GPC6: variants seen among roughly 807,000 people sequenced by gnomAD.
The protein encoded by GPC6 is glypican 6.
Under a neutral mutation model 55.2 loss-of-function variants are expected in GPC6, and 14 were observed. The observed-to-expected ratio is 0.25, with a 90% CI of 0.17 to 0.40. The LOEUF is 0.40. Among genes scored for constraint, GPC6 ranks in the 10% least tolerant of loss-of-function variants. The probability of loss-of-function intolerance (pLI) is 1.00; values close to 1 mark genes in which losing one functional copy is unlikely to be tolerated. For missense variants in GPC6, 641 were observed against 708.5 expected (o/e 0.90, Z 1.08); for synonymous variants, 278 against 259.6 (o/e 1.07, Z -0.68).
chr13:93,771,318 G>A (rs1451902122), intron 2 of GPC6, among the ~76,000 whole-genome samples: 4 of 152,150 alleles, frequency 2.6e-5, no homozygotes, highest in Non-Finnish European at 5.9e-5. Context: ...CCCACGGCAG[G>A]AAGAACCGGA....
At chr13:94,346,037 A>C (rs1470890703) in intron 6 of GPC6, among the ~76,000 whole-genome samples, 1 of 152,102 alleles carries the variant, frequency 6.6e-6, no homozygotes, top group African/African-American at 2.4e-5. Flanking sequence ...CAGCTGTAGC[A>C]CTTGAGCCTC....
At chr13:93,604,123 CTT>C (rs1431487840) in intron 2 of GPC6, among the ~76,000 whole-genome samples, 1 of 152,182 alleles carries the variant, frequency 6.6e-6, no homozygotes, top group African/African-American at 2.4e-5. Flanking sequence ...CTGTTAATGT[CTT>C]TGGTTTACGT....
chr13:93,762,764 G>A (rs891054607), intron 2 of GPC6, among the ~76,000 whole-genome samples: 1 of 152,132 alleles, frequency 6.6e-6, no homozygotes, highest in Non-Finnish European at 1.5e-5. Flanking sequence ...CTGATGTGCT[G>A]GTATACAGAT....
At chr13:93,868,409 A>G (rs756644039) in intron 3 of GPC6, among the ~76,000 whole-genome samples, 4 of 151,792 alleles carry the variant, frequency 2.6e-5, no homozygotes, top group African/African-American at 9.7e-5. Context: ...AATGATTGTA[A>G]TGATAGATAC....
At chr13:93,416,792 C>A (rs1284208032) in intron 1 of GPC6, among the ~76,000 whole-genome samples, 2 of 152,018 alleles carry the variant, frequency 1.3e-5, no homozygotes, top group Non-Finnish European at 2.9e-5. Context: ...GTGAAGGACA[C>A]AGGGCAACCC....
intron 3 of GPC6, among the ~76,000 whole-genome samples, chr13:93,988,368 A>G (rs936991744): frequency 5.3e-5 from 8 of 152,138 alleles, no homozygotes; most frequent in Admixed American, 5.2e-4. Flanking sequence ...AGCCTTAGTA[A>G]TGAAAAATGG....
intron 3 of GPC6, among the ~76,000 whole-genome samples, chr13:93,990,157 A>G (rs1321944247): frequency 6.6e-6 from 1 of 152,026 alleles, no homozygotes; most frequent in Non-Finnish European, 1.5e-5. Context: ...TTATGCTCAA[A>G]TGAATTCTAG....
chr13:93,771,346 A>G (rs1272572677), intron 2 of GPC6, among the ~76,000 whole-genome samples: 1 of 152,134 alleles, frequency 6.6e-6, no homozygotes, highest in African/African-American at 2.4e-5. Flanking sequence ...CCTCTAAATT[A>G]TACATGACTG....
At chr13:93,467,575 CTTTTTTTTTTT>C (rs11426472) in intron 1 of GPC6, among the ~76,000 whole-genome samples, 8 of 74,022 alleles carry the variant, frequency 1.1e-4, no homozygotes, top group East Asian at 4.4e-4. Flanking sequence ...AGCTGTGATT[CTTTTTTTTTTT>C]TTTTTTTTTT....
At chr13:94,154,925 C>A (rs575888999) in intron 4 of GPC6, among the ~76,000 whole-genome samples, 1 of 152,276 alleles carries the variant, frequency 6.6e-6, no homozygotes, top group East Asian at 1.9e-4. Context: ...AAGTACCCCC[C>A]AAAAGCATTG....
chr13:93,446,760 T>A (rs1269874609), intron 1 of GPC6, among the ~76,000 whole-genome samples: 2 of 152,208 alleles, frequency 1.3e-5, no homozygotes, highest in Non-Finnish European at 2.9e-5. Context: ...TGCTTTTTCT[T>A]TGAAAATATG....
intron 4 of GPC6, among the ~76,000 whole-genome samples, chr13:94,188,552 G>C (rs1889278097): frequency 6.6e-6 from 1 of 152,224 alleles, no homozygotes; most frequent in Admixed American, 6.5e-5. Flanking sequence ...AATCATTTCA[G>C]TTACAAAGAA....
intron 1 of GPC6, among the ~76,000 whole-genome samples, chr13:93,426,507 G>A (rs1035633925): frequency 2.0e-5 from 3 of 149,454 alleles, no homozygotes; most frequent in African/African-American, 4.9e-5. Flanking sequence ...TTGTTCTTGC[G>A]ATAGTTTACT....
rs564625952 is a variant in GPC6, at chr13:93,707,386, TG to T, written c.320-122767del. Reference sequence around the variant, plus strand: ...GAAGTTAAAATAAAAATTTTAAACATGTTTTTTTTAATACAGCTTTGAGTGT... The same window carrying T: ...GAAGTTAAAATAAAAATTTTAAACATTTTTTTTTAATACAGCTTTGAGTGT... On this transcript the variant is annotated intron_variant, in intron 2 of 8. Coordinates refer to ENST00000377047, the MANE Select transcript of GPC6 (RefSeq NM_005708.5). Among the ~76,000 whole-genome samples the T allele has an allele frequency of 3.3e-3, 506 of 151,904 alleles. 1 individual carries two copies. Among genetic ancestry groups the T allele is most frequent in the Non-Finnish European group, 6.1e-3 (411 of 67,852 alleles).
intron 1 of GPC6, among the ~76,000 whole-genome samples, chr13:93,489,780 G>A (rs1879887281): frequency 6.6e-6 from 1 of 151,094 alleles, no homozygotes; most frequent in African/African-American, 2.4e-5. Flanking sequence ...TCTGTTATTG[G>A]TGTATAAGAA....
At chr13:93,550,626 T>C (rs1027209459) in intron 2 of GPC6, among the ~76,000 whole-genome samples, 2 of 152,176 alleles carry the variant, frequency 1.3e-5, no homozygotes, top group Non-Finnish European at 2.9e-5. Flanking sequence ...TTTTTAAGTA[T>C]CATTTCTCAT....
At chr13:93,807,752 C>T (rs1037712698) in intron 2 of GPC6, among the ~76,000 whole-genome samples, 8 of 152,062 alleles carry the variant, frequency 5.3e-5, no homozygotes, top group African/African-American at 7.2e-5. Context: ...GGTAGACTCC[C>T]GTAGGGTAGT....
intron 1 of GPC6, among the ~76,000 whole-genome samples, chr13:93,491,914 G>T (rs1330757089): frequency 2.8e-5 from 3 of 107,452 alleles, no homozygotes; most frequent in African/African-American, 1.0e-4. Flanking sequence ...TGCTGTTTTG[G>T]TTACTGTAGC....
At chr13:94,045,524 A>G (rs1175690593) in intron 4 of GPC6, among the ~76,000 whole-genome samples, 1 of 152,004 alleles carries the variant, frequency 6.6e-6, no homozygotes, top group Non-Finnish European at 1.5e-5. Context: ...TCAGTGAATT[A>G]AAATACAGCA....
Sources: gnomAD v4.1 joint callset for allele counts (sites outside exome capture counted in the v4.1 genomes callset) on GRCh38, gnomAD v4.1.1 for gene constraint, MANE v1.5 for transcripts, NCBI Gene and HGNC (gene_info 2026-07-23, HGNC 2026-07-21) for gene names.